STK39: variants seen among roughly 807,000 people sequenced by gnomAD.
STK39 encodes STE20/SPS1-related proline-alanine-rich protein kinase.
In STK39, 20 loss-of-function variants were observed where a neutral mutation model predicts 77.8. The ratio of observed to expected loss-of-function variants is 0.26; its 90% CI spans 0.18 to 0.37. The LOEUF (loss-of-function observed/expected upper bound fraction) is 0.37, where lower values mean the gene tolerates loss of function less well. Among genes scored for constraint, STK39 ranks in the 10% least tolerant of loss-of-function variants. The pLI is 1.00. For synonymous variants in STK39, 246 were observed against 234.1 expected (o/e 1.05, Z -0.47); for missense variants, 479 against 656.5 (o/e 0.73, Z 2.95).
chr2:167,957,533 ATGTGTAGCTCT>A (rs1691821492), intron 17 of STK39, among the ~76,000 whole-genome samples: 1 of 152,128 alleles, frequency 6.6e-6, no homozygotes, highest in Non-Finnish European at 1.5e-5. Context: ...CTTCTCTCTC[ATGTGTAGCTCT>A]TGTTAACATC....
chr2:168,195,092 C>T (rs1689435431), intron 1 of STK39, among the ~76,000 whole-genome samples: 1 of 152,076 alleles, frequency 6.6e-6, no homozygotes, highest in Non-Finnish European at 1.5e-5. Flanking sequence ...ACTTTATTTC[C>T]TCTCTCTTTC....
chr2:168,242,560 A>AATATAT lies in STK39; in HGVS notation c.208+4662_208+4667dup, dbSNP rs59941306. Reference sequence around the variant, plus strand: ...CAAGACTCTTACAAAAAAAAAAAAAAATATATATATATATATATATATATA... The same window carrying AATATAT: ...CAAGACTCTTACAAAAAAAAAAAAAAATATATATATATATATATATATATATATATA... On this transcript the variant is annotated intron_variant, in intron 1 of 17. Transcript: ENST00000355999. 1.1e-3 allele frequency among the ~76,000 whole-genome samples: 51 copies of AATATAT among 44,834 alleles called. 1 individual carries two copies. The highest frequency in any genetic ancestry group is 5.5e-3 in the African/African-American group (50 of 9,068). The allele number at this position is 44,834 out of a possible 152,430, so 29.4% of individuals were successfully genotyped here.
At chr2:168,024,483 G>A (rs1303442561) in intron 14 of STK39, among the ~76,000 whole-genome samples, 1 of 152,142 alleles carries the variant, frequency 6.6e-6, no homozygotes, top group Non-Finnish European at 1.5e-5. Flanking sequence ...CTCACAAATG[G>A]ATTAATGCCA....
At chr2:168,044,468 T>C (rs561163772) in intron 14 of STK39, among the ~76,000 whole-genome samples, 21 of 152,364 alleles carry the variant, frequency 1.4e-4, no homozygotes, top group African/African-American at 5.1e-4. Context: ...CAGCTTGATT[T>C]GTCCTTAAAG....
Position 168,092,074 on chromosome 2 carries a change from A to G in STK39, c.1090-16843T>C, listed in dbSNP as rs999945208. Reference sequence around the variant, plus strand: ...TGTGGTCCACACTCTGAAATCTATAACCATTGTTGTCAGGGTCTCTCTTAG... The same window carrying G: ...TGTGGTCCACACTCTGAAATCTATAGCCATTGTTGTCAGGGTCTCTCTTAG... On this transcript the variant is annotated intron_variant, in intron 10 of 17. Transcript: ENST00000355999. 6.6e-5 allele frequency among the ~76,000 whole-genome samples: 10 copies of G among 152,192 alleles called. No homozygotes were observed. The East Asian group carries it at 1.9e-3, about 29-fold the overall frequency.
At chr2:168,128,567 C>A (rs945889882) in intron 10 of STK39, among the ~76,000 whole-genome samples, 20 of 152,200 alleles carry the variant, frequency 1.3e-4, no homozygotes, top group Non-Finnish European at 1.3e-4. Context: ...AGGAGAGAAG[C>A]TCAGATACCT....
intron 1 of STK39, among the ~76,000 whole-genome samples, chr2:168,225,755 C>T (rs1304258179): frequency 6.6e-6 from 1 of 152,172 alleles, no homozygotes; most frequent in Non-Finnish European, 1.5e-5. Flanking sequence ...GTCTCTGTCT[C>T]GTGACCAGTT....
intron 1 of STK39, among the ~76,000 whole-genome samples, chr2:168,185,289 T>C (rs999630731): frequency 4.6e-5 from 7 of 152,370 alleles, no homozygotes; most frequent in Middle Eastern, 3.4e-3. Context: ...TTATGGCCTG[T>C]ATGCACATAT....
chr2:168,084,775 C>T (rs1167687996), intron 10 of STK39, among the ~76,000 whole-genome samples: 4 of 152,238 alleles, frequency 2.6e-5, no homozygotes, highest in Admixed American at 6.5e-5. Context: ...TCTCTCCACA[C>T]ATCAAACAAT....
chr2:168,110,754 T>C (rs190297224), intron 10 of STK39, among the ~76,000 whole-genome samples: 90 of 152,334 alleles, frequency 5.9e-4, no homozygotes, highest in Non-Finnish European at 1.1e-3. Context: ...CTGTATATTC[T>C]TGAGCCTAAA....
At chr2:168,208,746 G>A (rs1689806760) in intron 1 of STK39, among the ~76,000 whole-genome samples, 1 of 152,234 alleles carries the variant, frequency 6.6e-6, no homozygotes, top group Admixed American at 6.5e-5. Flanking sequence ...TGTGAGCAAT[G>A]ATGAGCACCT....
intron 1 of STK39, among the ~76,000 whole-genome samples, chr2:168,186,689 C>T (rs1183664942): frequency 6.6e-6 from 1 of 152,172 alleles, no homozygotes; most frequent in Non-Finnish European, 1.5e-5. Context: ...ATATATTTCA[C>T]ATCCCTGGAA....
intron 12 of STK39, among the ~76,000 whole-genome samples, chr2:168,071,729 C>G (rs995958337): frequency 6.6e-6 from 1 of 151,964 alleles, no homozygotes; most frequent in African/African-American, 2.4e-5. Context: ...ATTAGCTAGG[C>G]ATGGTGGCAG....
chr2:168,139,359 ACCCACACACAC>A (rs1264178006), intron 7 of STK39, among the ~76,000 whole-genome samples: 2 of 151,174 alleles, frequency 1.3e-5, no homozygotes, highest in African/African-American at 4.9e-5. Context: ...CGGTATATGT[ACCCACACACAC>A]ACAAATACAC....
chr2:168,045,474 T>C (rs1267799383), intron 14 of STK39, among the ~76,000 whole-genome samples: 1 of 151,730 alleles, frequency 6.6e-6, no homozygotes, highest in East Asian at 2.0e-4. Flanking sequence ...ATTCTCCACA[T>C]GCTGTCTTAT....
At chr2:168,003,098 C>T (rs183904969) in intron 16 of STK39, among the ~76,000 whole-genome samples, 18 of 152,326 alleles carry the variant, frequency 1.2e-4, no homozygotes, top group African/African-American at 4.3e-4. Context: ...ATTCTCCTGC[C>T]TCAGCCCCCT....
chr2:168,018,926 T>G (rs1684502023), intron 14 of STK39, among the ~76,000 whole-genome samples: 1 of 152,136 alleles, frequency 6.6e-6, no homozygotes. Flanking sequence ...TTCCTCAGTG[T>G]CTAGAAAGCC....
Position 168,063,493 on chromosome 2 carries a change from T to A in STK39, c.1376+7A>T. The A allele has an allele frequency of 6.2e-7, 1 of 1,610,398 alleles. No homozygotes were observed. Among genetic ancestry groups the A allele is most frequent in the South Asian group, 1.1e-5 (1 of 90,288 alleles). ...AACAATGCAGAATAAACAACAGTAT[T>A]ATTTACCTTAATCTCAAAACGAGGT... On this transcript the variant is annotated splice_region_variant and intron_variant, in intron 14 of 17. Coordinates refer to ENST00000355999, the MANE Select transcript of STK39 (RefSeq NM_013233.3).
At chr2:168,231,369 T>C (rs1227272494) in intron 1 of STK39, among the ~76,000 whole-genome samples, 13 of 152,028 alleles carry the variant, frequency 8.6e-5, no homozygotes, top group Admixed American at 6.6e-5. Context: ...GTTAACATAA[T>C]AACAACAGAA....
Sources: gnomAD v4.1 joint callset for allele counts (sites outside exome capture counted in the v4.1 genomes callset) on GRCh38, gnomAD v4.1.1 for gene constraint, MANE v1.5 for transcripts, NCBI Gene and HGNC (gene_info 2026-07-23, HGNC 2026-07-21) for gene names.